Variants in PRKG1 observed in about 807,000 individuals in gnomAD.
PRKG1 encodes the protein cGMP-dependent protein kinase 1.
In PRKG1, 35 loss-of-function variants were observed where a neutral mutation model predicts 88.1. The ratio of observed to expected loss-of-function variants is 0.40; its 90% confidence interval spans 0.30 to 0.53. PRKG1 has a LOEUF of 0.53. PRKG1 is among the 20% of genes least tolerant of loss of function. The pLI is 0.59. For missense variants in PRKG1, 540 were observed against 839.8 expected, an observed-to-expected ratio of 0.64 and a Z score of 4.41; for synonymous variants, 303 against 292.5, an observed-to-expected ratio of 1.04 and a Z score of -0.37.
At chr10:51,166,793 C>G (rs1423802864) in intron 2 of PRKG1, among the ~76,000 whole-genome samples, 1 of 152,096 alleles carries the variant, frequency 6.6e-6, no homozygotes, top group Admixed American at 6.6e-5. Flanking sequence ...TGGTGTGTTT[C>G]CACCTGCAGA....
intron 5 of PRKG1, among the ~76,000 whole-genome samples, chr10:51,959,536 A>G (rs1456550161): frequency 1.3e-5 from 2 of 152,080 alleles, no homozygotes. Context: ...GATGCCTCCT[A>G]GGTTGGTCAC....
At chr10:51,159,158 T>C (rs1294284518) in intron 2 of PRKG1, among the ~76,000 whole-genome samples, 1 of 152,140 alleles carries the variant, frequency 6.6e-6, no homozygotes, top group Non-Finnish European at 1.5e-5. Flanking sequence ...TTACTGTCTT[T>C]ATACAATTAA....
intron 7 of PRKG1, among the ~76,000 whole-genome samples, chr10:52,086,190 C>T (rs1027535508): frequency 3.3e-5 from 5 of 152,026 alleles, no homozygotes; most frequent in African/African-American, 1.2e-4. Flanking sequence ...ATTCCCTCCC[C>T]ATCCTTTCCA....
At chr10:51,429,042 A>G (rs566848193) in intron 2 of PRKG1, among the ~76,000 whole-genome samples, 15 of 152,314 alleles carry the variant, frequency 9.8e-5, no homozygotes, top group African/African-American at 2.9e-4. Context: ...ACATGAGACT[A>G]TGTTCCAGTG....
At chr10:51,914,153 C>T (rs1842286236) in intron 5 of PRKG1, among the ~76,000 whole-genome samples, 1 of 151,944 alleles carries the variant, frequency 6.6e-6, no homozygotes, top group South Asian at 2.1e-4. Context: ...TAACTAATCT[C>T]CAGCTAAGAA....
chr10:51,859,541 G>GA (rs1172780293), intron 4 of PRKG1, among the ~76,000 whole-genome samples: 5 of 151,274 alleles, frequency 3.3e-5, no homozygotes, highest in Non-Finnish European at 5.9e-5. Context: ...GAAAATAAAA[G>GA]AAAAAAAGAA....
intron 2 of PRKG1, among the ~76,000 whole-genome samples, chr10:51,431,323 A>G (rs200143405): frequency 1.3e-5 from 2 of 152,318 alleles, no homozygotes; most frequent in East Asian, 3.9e-4. Context: ...ATGTAGGGCC[A>G]CACGGGGATG....
intron 2 of PRKG1, among the ~76,000 whole-genome samples, chr10:51,234,780 A>T (rs755785007): frequency 2.0e-5 from 3 of 152,166 alleles, no homozygotes; most frequent in Non-Finnish European, 4.4e-5. Flanking sequence ...AACCAAAAGT[A>T]TTATTTCTGA....
chr10:51,092,795 A>G (rs1284085187), intron 1 of PRKG1, among the ~76,000 whole-genome samples: 2 of 152,228 alleles, frequency 1.3e-5, no homozygotes, highest in Non-Finnish European at 2.9e-5. Context: ...AAACTGTTCC[A>G]TGTGTTTACA....
intron 7 of PRKG1, among the ~76,000 whole-genome samples, chr10:52,097,223 T>A (rs944236182): frequency 6.8e-6 from 1 of 147,326 alleles, no homozygotes; most frequent in Non-Finnish European, 1.5e-5. Context: ...TAGCTACTAG[T>A]TAATAACTCA....
chr10:51,325,045 A>G (rs375620592), intron 2 of PRKG1, among the ~76,000 whole-genome samples: 1 of 152,268 alleles, frequency 6.6e-6, no homozygotes, highest in African/African-American at 2.4e-5. Flanking sequence ...AGTACTTGTT[A>G]TCCTTTCTCT....
At position 51,216,469 on chromosome 10, in the gene PRKG1, AC is replaced by A. The variant is rs530873846; in HGVS notation, c.478+63140del. On this transcript the variant is annotated intron_variant, in intron 2 of 17. Coordinates refer to ENST00000373980, the MANE Select transcript of PRKG1 (RefSeq NM_006258.4). ...CCACTTGCCATCTTTATGACCTTAA[AC>A]AAGTTACTTAACTTCTCTGTGCCTG... 7.2e-5 allele frequency among the ~76,000 whole-genome samples: 11 copies of A among 152,304 alleles called. No individual in the cohort carries two copies. In the South Asian group the frequency reaches 2.3e-3, roughly 32 times the overall value.
In PRKG1 at chr10:51,751,417, C is replaced by T. The variant is rs113313230; in HGVS notation, c.593-53168C>T. On this transcript the variant is annotated intron_variant, in intron 3 of 17. Transcript: ENST00000373980. Reference sequence around the variant, plus strand: ...CTAATTTTTGTATTTTTAGTAGAGACGGATTTCACCATGTTGGCCAGGCAG... The same window carrying T: ...CTAATTTTTGTATTTTTAGTAGAGATGGATTTCACCATGTTGGCCAGGCAG... Among the ~76,000 whole-genome samples the T allele has an allele frequency of 3.1e-3, 467 of 152,088 alleles. 3 individuals are homozygous for T. The highest frequency in any genetic ancestry group is 0.01 in the African/African-American group (428 of 41,492).
intron 3 of PRKG1, among the ~76,000 whole-genome samples, chr10:51,718,142 T>C (rs754031870): frequency 2.0e-5 from 3 of 152,142 alleles, no homozygotes; most frequent in Non-Finnish European, 2.9e-5. Flanking sequence ...AAACAACAAA[T>C]TGATATAGTA....
chr10:51,986,863 A>C (rs1844171223), intron 5 of PRKG1, among the ~76,000 whole-genome samples: 1 of 152,206 alleles, frequency 6.6e-6, no homozygotes, highest in African/African-American at 2.4e-5. Flanking sequence ...AACAGGAAAA[A>C]ATACGCTTCT....
At chr10:51,698,103 TATTAATG>T in intron 3 of PRKG1, 1 of 1,614,120 alleles carries the variant, frequency 6.2e-7, no homozygotes. Flanking sequence ...CCTGCCCCTA[TATTAATG>T]GGACCAGGAC....
At chr10:51,208,288 C>T (rs1838116068) in intron 2 of PRKG1, among the ~76,000 whole-genome samples, 1 of 152,074 alleles carries the variant, frequency 6.6e-6, no homozygotes, top group South Asian at 2.1e-4. Flanking sequence ...AAATGTGATA[C>T]CGGTTATGTA....
intron 2 of PRKG1, among the ~76,000 whole-genome samples, chr10:51,462,828 A>C (rs577319081): frequency 6.6e-5 from 10 of 152,362 alleles, no homozygotes; most frequent in African/African-American, 2.4e-4. Context: ...AATTCAAATT[A>C]AAATGATTTG....
At chr10:51,247,693 T>A (rs1057206610) in intron 2 of PRKG1, among the ~76,000 whole-genome samples, 1 of 151,996 alleles carries the variant, frequency 6.6e-6, no homozygotes, top group African/African-American at 2.4e-5. Context: ...GAATGATACA[T>A]CAATGAATGA....
Sources: gnomAD v4.1 joint callset for allele counts (sites outside exome capture counted in the v4.1 genomes callset) on GRCh38, gnomAD v4.1.1 for gene constraint, MANE v1.5 for transcripts, NCBI Gene and HGNC (gene_info 2026-07-23, HGNC 2026-07-21) for gene names.